The following PIKFYVE variants were observed in gnomAD, a reference collection of about 807,000 sequenced individuals.
PIKFYVE encodes phosphoinositide kinase, FYVE-type zinc finger containing.
In PIKFYVE, 122 loss-of-function variants were observed where a neutral mutation model predicts 257.9. That is an observed-to-expected ratio of 0.47 (90% CI 0.41 to 0.55). PIKFYVE has a LOEUF of 0.55. Among genes scored for constraint, PIKFYVE ranks in the 20% least tolerant of loss-of-function variants. The probability of loss-of-function intolerance (pLI) is 0.00; values close to 1 mark genes in which losing one functional copy is unlikely to be tolerated. For synonymous variants in PIKFYVE, 892 were observed against 868.9 expected, an observed-to-expected ratio of 1.03 and a Z score of -0.47; for missense variants, 2,160 against 2,536.6, an observed-to-expected ratio of 0.85 and a Z score of 3.19.
intron 39 of PIKFYVE, 144 bp from the exon 40 acceptor site, chr2:208,353,754 T>C: frequency 1.0e-6 from 1 of 955,566 alleles, no homozygotes; most frequent in Non-Finnish European, 1.6e-6. Context: ...AACTTAAAAA[T>C]TATGATTCAA....
intron 12 of PIKFYVE, among the ~76,000 whole-genome samples, chr2:208,307,061 A>T (rs897716285): frequency 6.6e-6 from 1 of 152,132 alleles, no homozygotes; most frequent in Admixed American, 6.5e-5. Context: ...TTACAGGCAT[A>T]AGCCACTGTG....
At chr2:208,288,930 T>A in intron 7 of PIKFYVE, 112 bp downstream of exon 7, 2 of 1,324,818 alleles carry the variant, frequency 1.5e-6, no homozygotes, top group Non-Finnish European at 1.1e-6. Flanking sequence ...CTTCCGTAGC[T>A]CTAAAAGCTG....
At chr2:208,303,285 GCA>G (rs56245288) in intron 10 of PIKFYVE, among the ~76,000 whole-genome samples, 13 of 149,412 alleles carry the variant, frequency 8.7e-5, no homozygotes, top group African/African-American at 3.2e-4. Context: ...ACACACACAG[GCA>G]CACACACACA....
chr2:208,296,516 A>G (rs1693007284), intron 7 of PIKFYVE, among the ~76,000 whole-genome samples: 1 of 152,198 alleles, frequency 6.6e-6, no homozygotes, highest in South Asian at 2.1e-4. Flanking sequence ...GATGTCAAAT[A>G]GTTGGATATA....
intron 30 of PIKFYVE, 151 bp downstream of exon 30, chr2:208,339,706 A>G (rs1315050801): frequency 2.6e-6 from 3 of 1,144,188 alleles, no homozygotes; most frequent in Non-Finnish European, 3.8e-6. Context: ...GGTGGTAACT[A>G]CTTAAATTAT....
intron 38 of PIKFYVE, 141 bp downstream of exon 38, chr2:208,351,596 C>T: frequency 2.5e-6 from 2 of 813,500 alleles, no homozygotes; most frequent in Admixed American, 1.8e-5. Context: ...GTTTATTTGG[C>T]TCATAGTTCT....
rs550986308 is a variant in PIKFYVE at position 208,297,947 on chromosome 2, A to T, written c.912-694A>T. Among the ~76,000 whole-genome samples, 45 of 151,972 alleles carry T rather than the reference A, an allele frequency of 3.0e-4. No homozygotes were observed. In the South Asian group the frequency reaches 9.3e-3, roughly 31 times the overall value. The stretch of plus-strand genomic sequence containing the variant: ...TATGAGAAGAAACAAATTTCTTGTA[A>T]TTTTTCTACTGACAAAATAGCATAA... On this transcript the variant is annotated intron_variant, in intron 7 of 41. Transcript: ENST00000264380.
chr2:208,269,538 T>A, intron 1 of PIKFYVE: 1 of 282,434 alleles, frequency 3.5e-6, no homozygotes, highest in South Asian at 4.1e-5. Flanking sequence ...CATATGTGCC[T>A]TGGTTCTGCT....
Position 208,321,570 on chromosome 2 carries a change from CTTTTGTT to C in PIKFYVE, c.2190+1216_2190+1222del, listed in dbSNP as rs1360111032. 1.7e-3 allele frequency among the ~76,000 whole-genome samples: 18 copies of C among 10,596 alleles called. 1 individual carries two copies. The South Asian group carries it at 0.053, about 31-fold the overall frequency. The allele number at this position is 10,596 out of a possible 152,430, so 7.0% of individuals were successfully genotyped here. A position where few individuals can be genotyped will look rare whatever the true frequency, so the allele number is the denominator to read the frequency against. The stretch of plus-strand genomic sequence containing the variant: ...AATACTTCTTTTTTCTTTTTCTTTT[CTTTTGTT>C]TTTTTTTTTTTTTTTTTGAGACGAA... On this transcript the variant is annotated intron_variant, in intron 17 of 41. Transcript: ENST00000264380.
At position 208,333,484 on chromosome 2, in the gene PIKFYVE, C is replaced by T. The variant is rs1199862029; in HGVS notation, c.4133C>T (p.Ala1378Val). The part of the protein sequence containing the change: ...HQYFSYNQMV[A>V]SFSYSPIRLL... ...TATTTCTCCTATAACCAGATGGTGG[C>T]GTCTTTCAGGTAAGAAATCCTAGGA... The change falls in exon 24 of 42, where the codon GCG (alanine) becomes GTG (valine). Residue 1378 changes from alanine (A) to valine (V), a missense_variant. Around this residue, in one of 12 missense-constraint regions of PIKFYVE, gnomAD observed 699 missense variants for 855.8 expected, o/e 0.82. Transcript: ENST00000264380. 6 of 1,613,376 alleles carry T rather than the reference C, an allele frequency of 3.7e-6. No individual in the cohort carries two copies. Among genetic ancestry groups the T allele is most frequent in the Non-Finnish European group, 5.1e-6 (6 of 1,179,664 alleles).
rs1298495658 is a variant in PIKFYVE, at chr2:208,355,256, A to G, written c.6248A>G (p.Tyr2083Cys). The G allele has an allele frequency of 1.2e-6, 2 of 1,614,068 alleles. No homozygotes were observed. The highest frequency in any genetic ancestry group is 2.2e-5 in the East Asian group (1 of 44,886). The change falls in exon 42 of 42, where the codon TAT (tyrosine) becomes TGT (cysteine). Residue 2083 changes from tyrosine to cysteine, a missense_variant. Physicochemically the swap from Tyr to Cys is radical, Grantham distance 194. Transcript: ENST00000264380. ...RTRFCEAMDKYFLMVPDHWTG... is the reference protein window; with the variant it reads ...RTRFCEAMDKCFLMVPDHWTG... ...AGGTTTTGTGAGGCAATGGACAAGTATTTCCTAATGGTACCAGACCACTGG... is the reference window on the plus strand; with the variant it reads ...AGGTTTTGTGAGGCAATGGACAAGTGTTTCCTAATGGTACCAGACCACTGG...
chr2:208,271,766 C>T (rs1689449372), intron 2 of PIKFYVE, 75 bp downstream of exon 2: 1 of 1,410,278 alleles, frequency 7.1e-7, no homozygotes, highest in African/African-American at 1.4e-5. Flanking sequence ...CAGTGGCTCA[C>T]CATGATCATA....
At chr2:208,335,745 A>G (rs775443748) in intron 25 of PIKFYVE, 48 bp from the exon 26 acceptor site, 7 of 1,394,492 alleles carry the variant, frequency 5.0e-6, no homozygotes, top group East Asian at 4.6e-5. Context: ...TGAGATAGAA[A>G]ATTTGATTCA....
intron 2 of PIKFYVE, among the ~76,000 whole-genome samples, chr2:208,272,489 G>C (rs1424811648): frequency 6.6e-6 from 1 of 152,050 alleles, no homozygotes; most frequent in Non-Finnish European, 1.5e-5. Context: ...ACTTAAAACT[G>C]TTAGACTAAG....
At chr2:208,339,889 A>G in intron 30 of PIKFYVE, 122 bp from the exon 31 acceptor site, 3 of 1,178,004 alleles carry the variant, frequency 2.5e-6, no homozygotes, top group Non-Finnish European at 3.6e-6. Context: ...CAGAAATTTT[A>G]AACTGTTATT....
At chr2:208,294,407 TTTCGGATGCTTG>T (rs528452700) in intron 7 of PIKFYVE, among the ~76,000 whole-genome samples, 31 of 152,336 alleles carry the variant, frequency 2.0e-4, no homozygotes, top group Middle Eastern at 3.4e-3. Flanking sequence ...GTTGAGCCTG[TTTCGGATGCTTG>T]TTCAGTGTCT....
chr2:208,274,133 A>G lies in PIKFYVE; in HGVS notation c.322+400A>G, dbSNP rs118171377. 8.5e-5 allele frequency: 124 copies of G among 1,461,026 alleles called. 3 individuals carry two copies. In the East Asian group the frequency reaches 2.7e-3, roughly 32 times the overall value. 90.5% of individuals were successfully genotyped at this position (1,461,026 alleles called of 1,614,324 possible). ...ATGTGATATGCATGCCTCTGGCTGC[A>G]GAACTCTGTCAACTCCATTATTGGG... On this transcript the variant is annotated intron_variant, in intron 3 of 41. Coordinates refer to ENST00000264380, the MANE Select transcript of PIKFYVE (RefSeq NM_015040.4).
intron 14 of PIKFYVE, among the ~76,000 whole-genome samples, chr2:208,314,850 C>G (rs1013025795): frequency 1.3e-5 from 2 of 151,830 alleles, no homozygotes; most frequent in African/African-American, 4.8e-5. Flanking sequence ...GAGCTGAGAT[C>G]GCGCCACTGC....
intron 29 of PIKFYVE, 58 bp downstream of exon 29, chr2:208,338,626 A>T: frequency 1.3e-6 from 2 of 1,545,818 alleles, no homozygotes; most frequent in Non-Finnish European, 1.8e-6. Flanking sequence ...TTCTTATTGT[A>T]TAAGTTGTTT....
Sources: gnomAD v4.1 joint callset for allele counts (sites outside exome capture counted in the v4.1 genomes callset) on GRCh38, gnomAD v4.1.1 for gene constraint, gnomAD v4.1.1 regional missense constraint, MANE v1.5 for transcripts, NCBI Gene and HGNC (gene_info 2026-07-23, HGNC 2026-07-21) for gene names.